The following TTC17 variants were observed in gnomAD, a reference collection of about 807,000 sequenced individuals.
TTC17 encodes the protein tetratricopeptide repeat domain 17, also known as tetratricopeptide repeat protein 17.
A neutral mutation model predicts 143.8 loss-of-function variants in TTC17; 58 were observed. The observed-to-expected ratio is 0.40, with a 90% CI of 0.33 to 0.50. The LOEUF (loss-of-function observed/expected upper bound fraction) is 0.50. Ranked by LOEUF, TTC17 falls within the 20% of genes least tolerant of loss-of-function variation. The pLI, the probability that TTC17 is intolerant of heterozygous loss-of-function variation, is 0.49. For missense variants in TTC17, 1,273 were observed against 1,392.5 expected, an observed-to-expected ratio of 0.91 and a Z score of 1.37; for synonymous variants, 501 against 497.8, an observed-to-expected ratio of 1.01 and a Z score of -0.09.
intron 1 of TTC17, among the ~76,000 whole-genome samples, chr11:43,378,129 T>C (rs1408868019): frequency 1.3e-5 from 2 of 152,136 alleles, no homozygotes; most frequent in Non-Finnish European, 2.9e-5. Flanking sequence ...TCTCAAACTT[T>C]CAACCTCAGG....
At chr11:43,410,547 G>A (rs1197906644) in intron 15 of TTC17, among the ~76,000 whole-genome samples, 2 of 152,082 alleles carry the variant, frequency 1.3e-5, no homozygotes, top group Non-Finnish European at 2.9e-5. Flanking sequence ...TGTGAGGTAG[G>A]GATCAAAGTT....
chr11:43,400,810 A>T (rs1205261458), intron 9 of TTC17, among the ~76,000 whole-genome samples: 1 of 152,220 alleles, frequency 6.6e-6, no homozygotes, highest in Non-Finnish European at 1.5e-5. Context: ...TGATTTGGTT[A>T]TATCTAGAAT....
intron 21 of TTC17, among the ~76,000 whole-genome samples, chr11:43,478,845 C>T (rs1948234194): frequency 6.6e-6 from 1 of 152,190 alleles, no homozygotes; most frequent in South Asian, 2.1e-4. Context: ...CCAGACTGGT[C>T]TCAAACTCCT....
chr11:43,405,708 G>A, intron 12 of TTC17, 78 bp from the exon 13 acceptor site: 3 of 1,611,846 alleles, frequency 1.9e-6, no homozygotes, highest in Non-Finnish European at 1.7e-6. Flanking sequence ...ACCAGCCTTG[G>A]ACTTGAAAAG....
At chr11:43,430,742 C>CACACACAG (rs1947138397) in intron 16 of TTC17, among the ~76,000 whole-genome samples, 1 of 148,952 alleles carries the variant, frequency 6.7e-6, no homozygotes. Context: ...CACACACACA[C>CACACACAG]ACACACAAAG....
chr11:43,398,698 CA>C (rs1296947480), intron 8 of TTC17, among the ~76,000 whole-genome samples: 2 of 152,168 alleles, frequency 1.3e-5, no homozygotes, highest in African/African-American at 2.4e-5. Context: ...TTCCTTCAAT[CA>C]GTAGGGCTAG....
chr11:43,451,129 C>A, intron 20 of TTC17, 53 bp from the exon 21 acceptor site: 1 of 1,548,928 alleles, frequency 6.5e-7, no homozygotes, highest in Non-Finnish European at 8.9e-7. Flanking sequence ...GCAGTATCAT[C>A]TAGATCCTGC....
Position 43,441,357 on chromosome 11 carries a change from C to T in TTC17, c.2252-1968C>T, listed in dbSNP as rs931162788. On this transcript the variant is annotated intron_variant, in intron 16 of 23. Coordinates refer to ENST00000039989, the MANE Select transcript of TTC17 (RefSeq NM_018259.6). ...TGTTTAAATCCTGTCTCAGGTAGTC[C>T]GCCTTTCTCTAAGAAGCATTTTGTG... 6.6e-5 allele frequency among the ~76,000 whole-genome samples: 10 copies of T among 151,324 alleles called. No homozygotes were observed. The South Asian group carries it at 8.3e-4, about 13-fold the overall frequency.
rs780490224 is a variant in TTC17, at chr11:43,398,029, G to T, written c.974G>T (p.Arg325Ile). 2 of 1,613,730 alleles carry T rather than the reference G, an allele frequency of 1.2e-6. No homozygotes were observed. The highest frequency in any genetic ancestry group is 1.7e-6 in the Non-Finnish European group (2 of 1,179,952). Residue 325 changes from arginine (R) to isoleucine (I), a missense_variant, in exon 8 of 24, where the codon AGA becomes ATA. By Grantham distance (97) the Arg-to-Ile change is moderately conservative. Coordinates refer to ENST00000039989, the MANE Select transcript of TTC17 (RefSeq NM_018259.6). Reference sequence around the variant, plus strand: ...TGTTATGACCACGCTTTGCAGGCCAGACCTGGGTTTGAGCAAGCTATAAAG... The same window carrying T: ...TGTTATGACCACGCTTTGCAGGCCATACCTGGGTTTGAGCAAGCTATAAAG... ...VLCYDHALQA[R>I]PGFEQAIKRK...
rs371329653 is a variant in TTC17, at chr11:43,466,859, C to T, written c.3030+15594C>T. On this transcript the variant is annotated intron_variant, in intron 21 of 23. Coordinates refer to ENST00000039989, the MANE Select transcript of TTC17 (RefSeq NM_018259.6). ...AGACAAGCAAGATCGCCATTGCCAACTGCAGACAACTCTGATAAATTTGAC... is the reference window on the plus strand; with the variant it reads ...AGACAAGCAAGATCGCCATTGCCAATTGCAGACAACTCTGATAAATTTGAC... 14 of 259,614 alleles carry T rather than the reference C, an allele frequency of 5.4e-5. No homozygotes were observed. In the East Asian group the frequency reaches 7.3e-4, roughly 13 times the overall value. The allele number at this position is 259,614 out of a possible 1,614,324, so 16.1% of individuals were successfully genotyped here.
intron 21 of TTC17, among the ~76,000 whole-genome samples, chr11:43,460,876 G>A (rs1209525136): frequency 6.6e-6 from 1 of 152,176 alleles, no homozygotes; most frequent in Non-Finnish European, 1.5e-5. Context: ...AAGCATCTGG[G>A]CTAGGCCTCT....
At chr11:43,379,067 G>C in intron 1 of TTC17, 166 bp from the exon 2 acceptor site, 1 of 645,820 alleles carries the variant, frequency 1.5e-6, no homozygotes, top group Non-Finnish European at 2.7e-6. Flanking sequence ...CATTCCCTTT[G>C]CTAACATTTA....
At chr11:43,472,260 C>T (rs991439187) in intron 21 of TTC17, among the ~76,000 whole-genome samples, 1 of 152,016 alleles carries the variant, frequency 6.6e-6, no homozygotes, top group Admixed American at 6.6e-5. Context: ...CAGGAGAATC[C>T]TGAGCCTAGG....
chr11:43,476,751 G>A (rs1160396553), intron 21 of TTC17, among the ~76,000 whole-genome samples: 1 of 152,190 alleles, frequency 6.6e-6, no homozygotes, highest in Non-Finnish European at 1.5e-5. Context: ...TTTTCCTCCT[G>A]GGCCTCTGGG....
At chr11:43,487,633 T>C (rs1185929112) in intron 21 of TTC17, among the ~76,000 whole-genome samples, 1 of 152,214 alleles carries the variant, frequency 6.6e-6, no homozygotes, top group Non-Finnish European at 1.5e-5. Flanking sequence ...AACCAAGCTG[T>C]CTTTTAGCTC....
chr11:43,467,655 C>T (rs543705286), intron 21 of TTC17, among the ~76,000 whole-genome samples: 3 of 152,202 alleles, frequency 2.0e-5, no homozygotes, highest in East Asian at 1.9e-4. Context: ...AAATTTTATG[C>T]GTTTTCACTA....
intron 2 of TTC17, among the ~76,000 whole-genome samples, chr11:43,384,126 C>G (rs1857081019): frequency 7.4e-6 from 1 of 135,656 alleles, no homozygotes; most frequent in Admixed American, 7.7e-5. Context: ...GCATGGGTGA[C>G]AGAGTGAGAC....
At chr11:43,437,612 A>G (rs61884761) in intron 16 of TTC17, among the ~76,000 whole-genome samples, 22,824 of 152,204 alleles carry the variant, frequency 0.15, 2,390 homozygotes, top group Non-Finnish European at 0.22. Flanking sequence ...AAAATGCTGT[A>G]TAGAGTGGTT....
chr11:43,447,754 A>G (rs761887270), intron 18 of TTC17: 7 of 403,738 alleles, frequency 1.7e-5, no homozygotes, highest in Non-Finnish European at 2.6e-5. Context: ...ATGTTGATCA[A>G]TCTTAAATCT....
Sources: gnomAD v4.1 joint callset for allele counts (sites outside exome capture counted in the v4.1 genomes callset) on GRCh38, gnomAD v4.1.1 for gene constraint, MANE v1.5 for transcripts, NCBI Gene and HGNC (gene_info 2026-07-23, HGNC 2026-07-21) for gene names.